The following SAP30BP variants were observed in gnomAD, a reference collection of about 807,000 sequenced individuals.
SAP30BP encodes SAP30 binding protein, also known as SAP30-binding protein.
A neutral mutation model predicts 46.3 loss-of-function variants in SAP30BP; 31 were observed. The ratio of observed to expected loss-of-function variants is 0.67; its 90% CI spans 0.50 to 0.90. SAP30BP has a LOEUF of 0.90. SAP30BP is among the 40% of genes least tolerant of loss of function. The probability of loss-of-function intolerance (pLI) is 0.00; values close to 1 mark genes in which losing one functional copy is unlikely to be tolerated. For missense variants in SAP30BP, 312 were observed against 391.0 expected, an observed-to-expected ratio of 0.80 and a Z score of 1.70; for synonymous variants, 169 against 144.2, an observed-to-expected ratio of 1.17 and a Z score of -1.23.
intron 4 of SAP30BP, among the ~76,000 whole-genome samples, chr17:75,696,760 C>T (rs2060326397): frequency 7.6e-6 from 1 of 131,218 alleles, no homozygotes; most frequent in African/African-American, 2.7e-5. Context: ...GAGGGGCTCC[C>T]CTCCTCTTTT....
intron 4 of SAP30BP, 80 bp downstream of exon 4, chr17:75,693,562 G>A (rs941373725): frequency 1.4e-5 from 18 of 1,307,430 alleles, no homozygotes; most frequent in African/African-American, 1.0e-4. Flanking sequence ...CAGGCCTGCC[G>A]CCCCACAGGG....
chr17:75,682,426 A>G (rs1012084190), intron 3 of SAP30BP, among the ~76,000 whole-genome samples: 1 of 151,928 alleles, frequency 6.6e-6, no homozygotes, highest in African/African-American at 2.4e-5. Flanking sequence ...CTCAGGTGAT[A>G]CACCTGCCTC....
chr17:75,676,651 CAA>C (rs1392475240), intron 3 of SAP30BP, among the ~76,000 whole-genome samples: 2 of 152,180 alleles, frequency 1.3e-5, no homozygotes, highest in Non-Finnish European at 2.9e-5. Context: ...ACTGGTGACT[CAA>C]ATAATCACAA....
intron 6 of SAP30BP, 77 bp downstream of exon 6, chr17:75,702,648 G>A: frequency 1.5e-6 from 1 of 684,058 alleles, no homozygotes; most frequent in East Asian, 2.7e-5. Flanking sequence ...CCAAGGAGGT[G>A]GTGAGGAAAA....
rs1483471198 is a variant in SAP30BP at position 75,706,536 on chromosome 17, C to T, written c.*15C>T. The stretch of plus-strand genomic sequence containing the variant: ...CCAAGCAGTGACCTGAGGGGCCACC[C>T]TAGGACTTGAAAGGACCGTGCAGCC... On this transcript the variant is annotated 3_prime_UTR_variant, in exon 11 of 11. Coordinates refer to ENST00000584667, the MANE Select transcript of SAP30BP (RefSeq NM_013260.8). The surrounding 1 kb of genome is among the most constrained non-coding windows in gnomAD (Gnocchi z 4.6). 6.2e-7 allele frequency: 1 copy of T among 1,612,590 alleles called. No individual in the cohort carries two copies. The highest frequency in any genetic ancestry group is 1.7e-5 in the Admixed American group (1 of 59,982).
At chr17:75,696,868 C>CCTGGGTTCA in intron 4 of SAP30BP, among the ~76,000 whole-genome samples, 1 of 150,790 alleles carries the variant, frequency 6.6e-6, no homozygotes, top group East Asian at 2.0e-4. Context: ...AGCTCCGCCT[C>CCTGGGTTCA]CTGGGTTCAC....
intron 3 of SAP30BP, chr17:75,672,087 A>G: frequency 3.7e-6 from 2 of 545,970 alleles, no homozygotes; most frequent in Non-Finnish European, 6.7e-6. Context: ...ATTGTGCCAT[A>G]TCTCCTGACT....
chr17:75,670,576 C>T, intron 2 of SAP30BP, among the ~76,000 whole-genome samples: 1 of 152,168 alleles, frequency 6.6e-6, no homozygotes, highest in East Asian at 1.9e-4. Context: ...ATTTGCTTTG[C>T]TTAGAATTTT....
At chr17:75,702,117 G>A (rs1395507453) in intron 5 of SAP30BP, among the ~76,000 whole-genome samples, 2 of 152,158 alleles carry the variant, frequency 1.3e-5, no homozygotes, top group Non-Finnish European at 2.9e-5. Context: ...CCACCTCCCA[G>A]GTTCAAGCTA....
intron 3 of SAP30BP, 80 bp downstream of exon 3, chr17:75,671,943 A>G (rs530414383): frequency 7.0e-6 from 8 of 1,135,184 alleles, no homozygotes; most frequent in East Asian, 2.3e-5. Context: ...ATGTTTGGTC[A>G]AGATCTGTCC....
chr17:75,669,666 C>T (rs1189165510), intron 2 of SAP30BP, among the ~76,000 whole-genome samples: 1 of 152,190 alleles, frequency 6.6e-6, no homozygotes, highest in African/African-American at 2.4e-5. Context: ...GCTGGGATTA[C>T]AGGTATGAGC....
chr17:75,696,332 A>G (rs1283117888), intron 4 of SAP30BP, among the ~76,000 whole-genome samples: 2 of 151,832 alleles, frequency 1.3e-5, no homozygotes, highest in African/African-American at 4.8e-5. Flanking sequence ...TGGGAGTTCA[A>G]AAGCAGCCTG....
intron 4 of SAP30BP, among the ~76,000 whole-genome samples, chr17:75,696,547 TAA>T (rs1181756216): frequency 1.6e-4 from 21 of 134,698 alleles, no homozygotes; most frequent in Non-Finnish European, 1.8e-4. Flanking sequence ...CCATCTCAAT[TAA>T]AAAAAAAAAA....
chr17:75,684,092 C>T (rs2060123545), intron 3 of SAP30BP: 1 of 152,180 alleles, frequency 6.6e-6, no homozygotes, highest in East Asian at 1.9e-4. Context: ...GCCTCTTAGT[C>T]TAGAGGGAGA....
chr17:75,674,690 G>A (rs796491525), intron 3 of SAP30BP, among the ~76,000 whole-genome samples: 12 of 39,590 alleles, frequency 3.0e-4, no homozygotes, highest in African/African-American at 7.9e-4. Context: ...TTTTTTGTTT[G>A]TTTTTTGTTT....
At chr17:75,688,946 C>T (rs191534745) in intron 3 of SAP30BP, among the ~76,000 whole-genome samples, 2 of 152,086 alleles carry the variant, frequency 1.3e-5, no homozygotes, top group African/African-American at 4.8e-5. Flanking sequence ...CCAGGGACAG[C>T]GCCCAGTGTG....
intron 3 of SAP30BP, among the ~76,000 whole-genome samples, chr17:75,687,917 G>GGGGTGTGTGTGT (rs557349211): frequency 6.7e-5 from 8 of 120,260 alleles, no homozygotes; most frequent in African/African-American, 1.8e-4. Flanking sequence ...CAGTGTTTGG[G>GGGGTGTGTGTGT]GTGTGTGTGT....
intron 3 of SAP30BP, among the ~76,000 whole-genome samples, chr17:75,675,693 T>C (rs2059979398): frequency 6.6e-6 from 1 of 152,152 alleles, no homozygotes; most frequent in African/African-American, 2.4e-5. Flanking sequence ...GGTGGGCAGA[T>C]TGGTTGAGCC....
At chr17:75,705,855 A>G (rs995836362) in intron 9 of SAP30BP, 153 bp from the exon 10 acceptor site, 1 of 1,197,930 alleles carries the variant, frequency 8.3e-7, no homozygotes, top group African/African-American at 1.5e-5. Flanking sequence ...CTTCTTAGAC[A>G]TCTCGCCCTA....
Sources: gnomAD v4.1 joint callset for allele counts (sites outside exome capture counted in the v4.1 genomes callset) on GRCh38, gnomAD v4.1.1 for gene constraint, Gnocchi (gnomAD v3.1) non-coding constraint, MANE v1.5 for transcripts, NCBI Gene and HGNC (gene_info 2026-07-23, HGNC 2026-07-21) for gene names.